Variants in ORAI3 observed in about 807,000 individuals in gnomAD.
ORAI3 encodes the protein protein orai-3.
In ORAI3, 15 loss-of-function variants were observed where a neutral mutation model predicts 17.2. The ratio of observed to expected loss-of-function variants is 0.87; its 90% CI spans 0.58 to 1.34. ORAI3 has a LOEUF of 1.34. Among genes scored for constraint, ORAI3 ranks in the 40% most tolerant of loss-of-function variants. The probability of loss-of-function intolerance (pLI) is 0.00; values close to 1 mark genes in which losing one functional copy is unlikely to be tolerated. For missense variants in ORAI3, 405 were observed against 396.7 expected (o/e 1.02, Z -0.18); for synonymous variants, 178 against 172.4 (o/e 1.03, Z -0.25).
At position 30,953,615 on chromosome 16, in the gene ORAI3, C is replaced by T; in HGVS notation, c.659C>T (p.Ser220Phe). 1 of 1,614,206 alleles carries T rather than the reference C, an allele frequency of 6.2e-7. No homozygotes were observed. The highest frequency in any genetic ancestry group is 1.1e-5 in the South Asian group (1 of 91,088). The change falls in exon 2 of 2, where the codon TCC (serine) becomes TTC (phenylalanine). Residue 220 changes from serine to phenylalanine, a missense_variant. Coordinates refer to ENST00000318663, the MANE Select transcript of ORAI3 (RefSeq NM_152288.3). ...CGGTCCTCTGCGTCTGCAGCACCGT[C>T]CCAAGCTGAGCCAGCCTGCCCACCC... ...LPRSSASAAP[S>F]QAEPACPPRQ...
In ORAI3 at chr16:30,949,286, C is replaced by CA. The variant is rs1287934357; in HGVS notation, c.-3dup. Reference sequence around the variant, plus strand: ...TGACCGCCTGGTGCCGCCCCCCCCCCAGGATGAAGGGCGGCGAGGGGGACG... The same window carrying CA: ...TGACCGCCTGGTGCCGCCCCCCCCCCAAGGATGAAGGGCGGCGAGGGGGACG... On this transcript the variant is annotated 5_prime_UTR_variant, in exon 1 of 2. Coordinates refer to ENST00000318663, the MANE Select transcript of ORAI3 (RefSeq NM_152288.3). 1.7e-5 allele frequency: 24 copies of CA among 1,402,170 alleles called. No individual in the cohort carries two copies. Among genetic ancestry groups the CA allele is most frequent in the African/African-American group, 4.6e-5 (3 of 65,698 alleles). The allele number at this position is 1,402,170 out of a possible 1,614,324, so 86.9% of individuals were successfully genotyped here.
At chr16:30,952,968 C>G (rs2055931350) in intron 1 of ORAI3, among the ~76,000 whole-genome samples, 1 of 152,182 alleles carries the variant, frequency 6.6e-6, no homozygotes, top group Non-Finnish European at 1.5e-5. Flanking sequence ...GCCCGGCCAT[C>G]CAGCCCTCTT....
intron 1 of ORAI3, chr16:30,949,720 C>T (rs955886531): frequency 9.0e-6 from 5 of 553,696 alleles, no homozygotes; most frequent in Admixed American, 7.1e-5. Context: ...ACGGGGCCAC[C>T]GGAGGACACG....
chr16:30,954,226 TA>T lies in ORAI3; in HGVS notation c.*384del, dbSNP rs2055940385. ...GTCAGAAGGCAGCCAATTGTTGGTT[TA>T]ATTTTTTTTTTTTTTTGAGACAGTC... On this transcript the variant is annotated 3_prime_UTR_variant, in exon 2 of 2. Transcript: ENST00000318663. 1.5e-6 allele frequency: 1 copy of T among 655,206 alleles called. No homozygotes were observed. Among genetic ancestry groups the T allele is most frequent in the Non-Finnish European group, 2.7e-6 (1 of 365,254 alleles). 40.6% of individuals were successfully genotyped at this position (655,206 alleles called of 1,614,324 possible).
intron 1 of ORAI3, among the ~76,000 whole-genome samples, chr16:30,952,097 TTTTTCTTTCTTTC>T (rs2055927200): frequency 6.6e-6 from 1 of 151,178 alleles, no homozygotes; most frequent in Admixed American, 6.7e-5. Flanking sequence ...TTCCTCTTTC[TTTTTCTTTCTTTC>T]TTTTCTTTCT....
At position 30,949,136 on chromosome 16, in the gene ORAI3, C is replaced by G; in HGVS notation, c.-154C>G. On this transcript the variant is annotated 5_prime_UTR_variant, in exon 1 of 2. Coordinates refer to ENST00000318663, the MANE Select transcript of ORAI3 (RefSeq NM_152288.3). Reference sequence around the variant, plus strand: ...CTCCCCGCAGACGCTGCTTTTCTTGCTCCACTGGGGGTGCCTCTTCCTGGG... The same window carrying G: ...CTCCCCGCAGACGCTGCTTTTCTTGGTCCACTGGGGGTGCCTCTTCCTGGG... The G allele has an allele frequency of 2.0e-6, 1 of 503,708 alleles. No individual in the cohort carries two copies. The highest frequency in any genetic ancestry group is 3.7e-5 in the South Asian group (1 of 27,388). The allele number at this position is 503,708 out of a possible 1,614,324, so 31.2% of individuals were successfully genotyped here.
Position 30,954,228 on chromosome 16 carries a change from A to AT in ORAI3, c.*399dup, listed in dbSNP as rs397854749. On this transcript the variant is annotated 3_prime_UTR_variant, in exon 2 of 2. Transcript: ENST00000318663. ...CAGAAGGCAGCCAATTGTTGGTTTA[A>AT]TTTTTTTTTTTTTTTGAGACAGTCT... 0.15 allele frequency: 80,441 copies of AT among 529,044 alleles called. 6 individuals carry two copies. Among genetic ancestry groups the AT allele is most frequent in the East Asian group, 0.18 (5,309 of 29,258 alleles). The allele number at this position is 529,044 out of a possible 1,614,324, so 32.8% of individuals were successfully genotyped here. A position where few individuals can be genotyped will look rare whatever the true frequency, so the allele number is the denominator to read the frequency against.
At chr16:30,949,642 G>A in intron 1 of ORAI3, 125 bp downstream of exon 1, 1 of 754,472 alleles carries the variant, frequency 1.3e-6, no homozygotes, top group Non-Finnish European at 2.1e-6. Flanking sequence ...AAAGGGGGAA[G>A]GAACAAGGTC....
At chr16:30,950,166 G>A (rs1383615295) in intron 1 of ORAI3, among the ~76,000 whole-genome samples, 2 of 152,210 alleles carry the variant, frequency 1.3e-5, no homozygotes, top group South Asian at 2.1e-4. Flanking sequence ...CAGGAAGTGG[G>A]ATGGAGGGAG....
chr16:30,953,181 G>T lies in ORAI3; in HGVS notation c.229-4G>T. ...GATCAGTACATCCCCTCTTGTCCCT[G>T]CAGGTGGCCATGGTGGAGGTGCAGC... is the stretch of plus-strand genomic sequence containing the variant. On this transcript the variant is annotated splice_region_variant and splice_polypyrimidine_tract_variant and intron_variant, in intron 1 of 1. Transcript: ENST00000318663. 1 of 1,571,128 alleles carries T rather than the reference G, an allele frequency of 6.4e-7. No individual in the cohort carries two copies. The highest frequency in any genetic ancestry group is 8.6e-7 in the Non-Finnish European group (1 of 1,158,996).
Position 30,953,866 on chromosome 16 carries a change from A to G in ORAI3, c.*22A>G. On this transcript the variant is annotated 3_prime_UTR_variant, in exon 2 of 2. Transcript: ENST00000318663. ...GTGAGACTGGTGTTAGCCACCGCTCACTGCAAGCACTGCCTCCCTCCGGGG... is the reference window on the plus strand; with the variant it reads ...GTGAGACTGGTGTTAGCCACCGCTCGCTGCAAGCACTGCCTCCCTCCGGGG... 6.3e-7 allele frequency: 1 copy of G among 1,586,728 alleles called. No individual in the cohort carries two copies. Among genetic ancestry groups the G allele is most frequent in the Non-Finnish European group, 8.6e-7 (1 of 1,168,514 alleles).
At chr16:30,949,560 TG>T in intron 1 of ORAI3, 43 bp downstream of exon 1, 6 of 209,618 alleles carry the variant, frequency 2.9e-5, no homozygotes, top group South Asian at 6.6e-5. Flanking sequence ...GCAGAGCAAG[TG>T]GGGGGCACAG....
intron 1 of ORAI3, among the ~76,000 whole-genome samples, chr16:30,951,743 C>T: frequency 6.6e-6 from 1 of 152,050 alleles, no homozygotes; most frequent in Non-Finnish European, 1.5e-5. Context: ...CATGACCTTT[C>T]CAAGGGGAGC....
Position 30,954,444 on chromosome 16 carries a change from G to T in ORAI3, c.*600G>T. ...TTCCCAGGCTGGTCTCAAACTCCTGGGCTCAAGTGAACCTCCCGCCTCGGC... is the reference window on the plus strand; with the variant it reads ...TTCCCAGGCTGGTCTCAAACTCCTGTGCTCAAGTGAACCTCCCGCCTCGGC... On this transcript the variant is annotated 3_prime_UTR_variant, in exon 2 of 2. Transcript: ENST00000318663. The T allele has an allele frequency of 3.8e-6, 1 of 263,272 alleles. No individual in the cohort carries two copies. The highest frequency in any genetic ancestry group is 6.2e-5 in the South Asian group (1 of 16,194). 16.3% of individuals were successfully genotyped at this position (263,272 alleles called of 1,614,324 possible). A position where few individuals can be genotyped will look rare whatever the true frequency, so the allele number is the denominator to read the frequency against.
At position 30,949,334 on chromosome 16, in the gene ORAI3, C is replaced by T. The variant is rs2055909495; in HGVS notation, c.45C>T (p.Asn15=). ...EGDAGEQAPL[N]PEGESPAGSA... is the part of the protein sequence containing the mutation. ...ACGCGGGCGAGCAGGCCCCGCTGAA[C>T]CCTGAGGGCGAGAGCCCTGCAGGCT... is the stretch of plus-strand genomic sequence containing the variant. The change falls in exon 1 of 2, where the codon AAC becomes AAT. Residue 15 remains asparagine (N), a synonymous_variant. Coordinates refer to ENST00000318663, the MANE Select transcript of ORAI3 (RefSeq NM_152288.3). The T allele has an allele frequency of 2.7e-6, 4 of 1,497,052 alleles. No homozygotes were observed. The highest frequency in any genetic ancestry group is 2.9e-5 in the African/African-American group (2 of 69,166). The allele number at this position is 1,497,052 out of a possible 1,614,324, so 92.7% of individuals were successfully genotyped here. A position where few individuals can be genotyped will look rare whatever the true frequency, so the allele number is the denominator to read the frequency against.
intron 1 of ORAI3, among the ~76,000 whole-genome samples, chr16:30,952,653 T>C (rs35517855): frequency 2.0e-4 from 31 of 151,788 alleles, no homozygotes; most frequent in Non-Finnish European, 3.4e-4. Context: ...CATCCAGCCC[T>C]TTTTTTTATT....
chr16:30,953,729 T>C lies in ORAI3; in HGVS notation c.773T>C (p.Val258Ala), dbSNP rs746360332. 1.2e-6 allele frequency: 2 copies of C among 1,614,206 alleles called. No individual in the cohort carries two copies. Among genetic ancestry groups the C allele is most frequent in the Non-Finnish European group, 1.7e-6 (2 of 1,180,036 alleles). ...GCCATCATGGTACCCGTGGGGCTCG[T>C]GTTTGTGGCCTTTGCCCTGCATTTC... ...STAIMVPVGL[V>A]FVAFALHFYR... is the part of the protein sequence containing the mutation. The change falls in exon 2 of 2, where the codon GTG (valine) becomes GCG (alanine). Residue 258 changes from valine to alanine, a missense_variant. Coordinates refer to ENST00000318663, the MANE Select transcript of ORAI3 (RefSeq NM_152288.3).
rs1399861703 is a variant in ORAI3, at chr16:30,953,169, C to T, written c.229-16C>T. 6.4e-7 allele frequency: 1 copy of T among 1,564,230 alleles called. No individual in the cohort carries two copies. The highest frequency in any genetic ancestry group is 8.6e-7 in the Non-Finnish European group (1 of 1,156,094). ...AGGTTATGGGGAGATCAGTACATCCCCTCTTGTCCCTGCAGGTGGCCATGG... is the reference window on the plus strand; with the variant it reads ...AGGTTATGGGGAGATCAGTACATCCTCTCTTGTCCCTGCAGGTGGCCATGG... On this transcript the variant is annotated splice_polypyrimidine_tract_variant and intron_variant, in intron 1 of 1. Coordinates refer to ENST00000318663, the MANE Select transcript of ORAI3 (RefSeq NM_152288.3).
At chr16:30,949,656 C>G (rs1400518326) in intron 1 of ORAI3, 139 bp downstream of exon 1, 1 of 705,142 alleles carries the variant, frequency 1.4e-6, no homozygotes, top group Non-Finnish European at 2.3e-6. Context: ...CAAGGTCCCG[C>G]GGGACTGAGC....
Sources: allele counts gnomAD v4.1 joint callset (sites outside exome capture counted in the v4.1 genomes callset), GRCh38; gene constraint gnomAD v4.1.1; transcripts MANE v1.5; gene names NCBI Gene and HGNC (gene_info 2026-07-23, HGNC 2026-07-21).